Variants in RNF144B observed in about 807,000 individuals in gnomAD.
RNF144B encodes ring finger protein 144B, also known as E3 ubiquitin-protein ligase RNF144B.
A neutral mutation model predicts 40.2 loss-of-function variants in RNF144B; 25 were observed. The ratio of observed to expected loss-of-function variants is 0.62; its 90% CI spans 0.45 to 0.87. The LOEUF is 0.87. Ranked by LOEUF, RNF144B falls within the 40% of genes least tolerant of loss-of-function variation. The pLI, the probability that RNF144B is intolerant of heterozygous loss-of-function variation, is 0.00. For synonymous variants in RNF144B, 145 were observed against 136.3 expected (o/e 1.06, Z -0.44); for missense variants, 365 against 373.7 (o/e 0.98, Z 0.19).
At position 18,464,952 on chromosome 6, in the gene RNF144B, G is replaced by T; in HGVS notation, c.797G>T (p.Gly266Val). 1 of 1,613,926 alleles carries T rather than the reference G, an allele frequency of 6.2e-7. No individual in the cohort carries two copies. The highest frequency in any genetic ancestry group is 8.5e-7 in the Non-Finnish European group (1 of 1,179,902). The change falls in exon 8 of 8, where the codon GGC becomes GTC. Residue 266 changes from glycine to valine, a missense_variant. Physicochemically the swap from Gly to Val is moderately radical, Grantham distance 109. Coordinates refer to ENST00000259939, the MANE Select transcript of RNF144B (RefSeq NM_182757.4). This position sits in a 1 kb window ranked among gnomAD's most constrained non-coding sequence, Gnocchi z 6.1. Reference sequence around the variant, plus strand: ...GTGGTGGGGATTCTCGTAGGCTTGGGCATCATTGCCTTGGTTACTTCACCC... The same window carrying T: ...GTGGTGGGGATTCTCGTAGGCTTGGTCATCATTGCCTTGGTTACTTCACCC... ...TQVVGILVGL[G>V]IIALVTSPLL...
intron 3 of RNF144B, among the ~76,000 whole-genome samples, chr6:18,432,339 G>A (rs551870984): frequency 6.6e-6 from 1 of 152,294 alleles, no homozygotes; most frequent in South Asian, 2.1e-4. Flanking sequence ...TCAGTGTCAT[G>A]GAAGCTGGTG....
chr6:18,459,670 C>G lies in RNF144B; in HGVS notation c.600C>G (p.Ile200Met). ...AGTGCCCAGTTTGCCGGGTTTATAT[C>G]GAACGCAATGAAGGCTGCGCTCAGA... ...IKQCPVCRVY[I>M]ERNEGCAQMM... Residue 200 changes from isoleucine to methionine, a missense_variant, in exon 6 of 8, where the codon ATC (isoleucine) becomes ATG (methionine). By Grantham distance (10) the Ile-to-Met change is conservative. Transcript: ENST00000259939. This position sits in a 1 kb window ranked among gnomAD's most constrained non-coding sequence, Gnocchi z 4.2. The G allele has an allele frequency of 6.2e-7, 1 of 1,614,046 alleles. No individual in the cohort carries two copies. Among genetic ancestry groups the G allele is most frequent in the South Asian group, 1.1e-5 (1 of 91,076 alleles).
intron 1 of RNF144B, among the ~76,000 whole-genome samples, chr6:18,394,349 C>G (rs1442435948): frequency 6.6e-6 from 1 of 152,122 alleles, no homozygotes; most frequent in Non-Finnish European, 1.5e-5. Flanking sequence ...CCTGTAATCC[C>G]AGCACTTTGG....
In RNF144B at chr6:18,447,725, G is replaced by A. The variant is rs145348991; in HGVS notation, c.331+7981G>A. 1.7e-4 allele frequency among the ~76,000 whole-genome samples: 26 copies of A among 152,318 alleles called. No homozygotes were observed. Among genetic ancestry groups the A allele is most frequent in the Non-Finnish European group, 3.5e-4 (24 of 68,026 alleles). On this transcript the variant is annotated intron_variant, in intron 4 of 7. Coordinates refer to ENST00000259939, the MANE Select transcript of RNF144B (RefSeq NM_182757.4). This position sits in a 1 kb window ranked among gnomAD's most constrained non-coding sequence, Gnocchi z 5.6. ...AGATACATCTGGATTATATGAGTCAGGATCAGTAGTATAAACTTTGGAATC... is the reference window on the plus strand; with the variant it reads ...AGATACATCTGGATTATATGAGTCAAGATCAGTAGTATAAACTTTGGAATC...
intron 3 of RNF144B, among the ~76,000 whole-genome samples, chr6:18,431,223 C>T (rs1758688758): frequency 6.7e-6 from 1 of 149,812 alleles, no homozygotes; most frequent in Non-Finnish European, 1.5e-5. Flanking sequence ...GAGACTCCAT[C>T]TCAAAAAAAA....
intron 2 of RNF144B, among the ~76,000 whole-genome samples, chr6:18,424,725 A>T (rs1384234545): frequency 6.6e-6 from 1 of 152,238 alleles, no homozygotes; most frequent in Non-Finnish European, 1.5e-5. Context: ...ATAAGGACTC[A>T]CTTAGTATCT....
intron 6 of RNF144B, among the ~76,000 whole-genome samples, chr6:18,462,071 T>C (rs67440296): frequency 0.017 from 2,662 of 152,346 alleles, 38 homozygotes; most frequent in Middle Eastern, 0.027. Context: ...AACATATCCA[T>C]GCATTCGGCT....
At position 18,468,408 on chromosome 6, in the gene RNF144B, G is replaced by GAAAAAC. The variant is rs1370590654; in HGVS notation, c.*3345_*3350dup. The GAAAAAC allele has an allele frequency of 6.6e-6, 1 of 152,068 alleles. No individual in the cohort carries two copies. The highest frequency in any genetic ancestry group is 1.5e-5 in the Non-Finnish European group (1 of 68,002). The allele number at this position is 152,068 out of a possible 1,614,324, so 9.4% of individuals were successfully genotyped here. On this transcript the variant is annotated 3_prime_UTR_variant, in exon 8 of 8. Transcript: ENST00000259939. ...AGTCTGTACTTTGAAAGAGGCCTTT[G>GAAAAAC]AAAAACAAATAATTCTGTGTGAATT...
At chr6:18,392,341 T>G (rs1355438181) in intron 1 of RNF144B, among the ~76,000 whole-genome samples, 1 of 152,248 alleles carries the variant, frequency 6.6e-6, no homozygotes, top group Non-Finnish European at 1.5e-5. Context: ...ATATTAGATC[T>G]CACTAAATTA....
Position 18,412,718 on chromosome 6 carries a change from G to A in RNF144B, c.165+13019G>A, listed in dbSNP as rs1022160041. On this transcript the variant is annotated intron_variant, in intron 2 of 7. Coordinates refer to ENST00000259939, the MANE Select transcript of RNF144B (RefSeq NM_182757.4). The surrounding 1 kb of genome is among the most constrained non-coding windows in gnomAD (Gnocchi z 4.2). ...AGTTCATTAAAGATTGGTTATATAA[G>A]GCTTATCTATGTGGATTCCAGATAT... Among the ~76,000 whole-genome samples, 17 of 152,084 alleles carry A rather than the reference G, an allele frequency of 1.1e-4. No individual in the cohort carries two copies. Among genetic ancestry groups the A allele is most frequent in the African/African-American group, 3.4e-4 (14 of 41,400 alleles).
At chr6:18,427,196 TA>T in intron 2 of RNF144B, among the ~76,000 whole-genome samples, 1 of 152,236 alleles carries the variant, frequency 6.6e-6, no homozygotes, top group Non-Finnish European at 1.5e-5. Context: ...CGTTCTGTTC[TA>T]GTTTTGGGTA....
intron 1 of RNF144B, among the ~76,000 whole-genome samples, chr6:18,391,822 C>T (rs1051990702): frequency 6.4e-5 from 9 of 140,670 alleles, no homozygotes; most frequent in East Asian, 4.4e-4. Flanking sequence ...GAGCCGAGAT[C>T]GGGCCACTGC....
rs1562062209 is a variant in RNF144B, at chr6:18,465,018, G to T, written c.863G>T (p.Cys288Phe). The T allele has an allele frequency of 1.2e-6, 2 of 1,613,762 alleles. No homozygotes were observed. The highest frequency in any genetic ancestry group is 1.7e-6 in the Non-Finnish European group (2 of 1,179,886). Residue 288 changes from cysteine (C) to phenylalanine (F), a missense_variant, in exon 8 of 8, where the codon TGC becomes TTC. Physicochemically the swap from Cys to Phe is radical, Grantham distance 205. Transcript: ENST00000259939. ...LASPCIICCV[C>F]KSCRGKKKKH... The stretch of plus-strand genomic sequence containing the variant: ...TCCCCATGTATAATCTGTTGTGTCT[G>T]CAAGTCCTGTCGGGGCAAGAAGAAA...
chr6:18,427,322 G>A (rs181373468), intron 2 of RNF144B, among the ~76,000 whole-genome samples: 3 of 152,098 alleles, frequency 2.0e-5, no homozygotes, highest in African/African-American at 7.2e-5. Flanking sequence ...CCTGATCTAT[G>A]GTGGCTGAAA....
rs78066307 is a variant in RNF144B at position 18,415,445 on chromosome 6, C to G, written c.166-12136C>G. ...GGAGGGGAGAAATTCTGTGTCCTCA[C>G]GTGACAGAAGAGATGGAAGGGCAAG... On this transcript the variant is annotated intron_variant, in intron 2 of 7. Transcript: ENST00000259939. Among the ~76,000 whole-genome samples the G allele has an allele frequency of 2.6e-5, 4 of 152,160 alleles. No homozygotes were observed. In the South Asian group the frequency reaches 6.2e-4, roughly 24 times the overall value.
In RNF144B at chr6:18,410,978, T is replaced by C. The variant is rs942720446; in HGVS notation, c.165+11279T>C. On this transcript the variant is annotated intron_variant, in intron 2 of 7. Coordinates refer to ENST00000259939, the MANE Select transcript of RNF144B (RefSeq NM_182757.4). This position sits in a 1 kb window ranked among gnomAD's most constrained non-coding sequence, Gnocchi z 4.6. The stretch of plus-strand genomic sequence containing the variant: ...TACTGTCAGCTTTCTTTTCTTTTTT[T>C]TTCTTCTTTTCTTTTCTTTTTTTTT... Among the ~76,000 whole-genome samples the C allele has an allele frequency of 1.4e-5, 2 of 139,298 alleles. No homozygotes were observed. The highest frequency in any genetic ancestry group is 4.7e-4 in the South Asian group (2 of 4,266). The allele number at this position is 139,298 out of a possible 152,430, so 91.4% of individuals were successfully genotyped here.
chr6:18,437,666 CA>C (rs909619521), intron 3 of RNF144B, among the ~76,000 whole-genome samples: 3 of 152,068 alleles, frequency 2.0e-5, no homozygotes, highest in Non-Finnish European at 4.4e-5. Context: ...CCATAAAAGA[CA>C]AAAAAATTAG....
At chr6:18,449,728 C>T (rs1352315547) in intron 4 of RNF144B, among the ~76,000 whole-genome samples, 2 of 147,964 alleles carry the variant, frequency 1.4e-5, no homozygotes, top group East Asian at 3.9e-4. Flanking sequence ...GTGGATATAA[C>T]TAAAATTAAC....
intron 1 of RNF144B, among the ~76,000 whole-genome samples, chr6:18,389,118 A>G (rs1271728654): frequency 1.3e-5 from 2 of 152,148 alleles, no homozygotes; most frequent in Non-Finnish European, 2.9e-5. Flanking sequence ...AGTTTTACAA[A>G]TATTTACAGT....
Sources: allele counts gnomAD v4.1 joint callset (sites outside exome capture counted in the v4.1 genomes callset), GRCh38; gene constraint gnomAD v4.1.1; non-coding constraint Gnocchi (gnomAD v3.1); transcripts MANE v1.5; gene names NCBI Gene and HGNC (gene_info 2026-07-23, HGNC 2026-07-21).